RS1: variants seen among roughly 807,000 people sequenced by gnomAD.
The protein encoded by RS1 is retinoschisin 1.
RS1 carries 2 observed loss-of-function variants against 20.8 expected under a neutral mutation model. The observed-to-expected ratio is 0.10, with a 90% CI of 0.04 to 0.30. The LOEUF is 0.30. RS1 is among the 10% of genes least tolerant of loss of function. The pLI is 1.00. For missense variants in RS1, 151 were observed against 189.8 expected (o/e 0.80, Z 1.20); for synonymous variants, 70 against 75.8 (o/e 0.92, Z 0.40).
intron 1 of RS1, among the ~76,000 whole-genome samples, chrX:18,671,542 G>A (rs528008646): frequency 2.7e-5 from 3 of 111,594 alleles, no homozygotes; most frequent in Middle Eastern, 4.7e-3. Flanking sequence ...GGTATGTTAC[G>A]TTAATCCATA....
At chrX:18,657,967 C>T (rs1208937449) in intron 1 of RS1, among the ~76,000 whole-genome samples, 4 of 111,044 alleles carry the variant, frequency 3.6e-5, no homozygotes, top group East Asian at 5.7e-4. Flanking sequence ...GCCAGGAGTT[C>T]GAGACCAGTC....
intron 1 of RS1, among the ~76,000 whole-genome samples, chrX:18,668,200 A>G (rs1437895039): frequency 8.9e-6 from 1 of 112,199 alleles, no homozygotes; most frequent in Non-Finnish European, 1.9e-5. Context: ...CACATGTTAC[A>G]TGAGACATCC....
At chrX:18,667,560 A>AG (rs1928425535) in intron 1 of RS1, among the ~76,000 whole-genome samples, 1 of 109,760 alleles carries the variant, frequency 9.1e-6, no homozygotes, top group East Asian at 2.9e-4. Context: ...AAAAAAAAAA[A>AG]AAACAGTGCC....
At chrX:18,650,362 C>A (rs999132676) in intron 3 of RS1, 18 of 1,157,867 alleles carry the variant, frequency 1.6e-5, no homozygotes, top group African/African-American at 1.8e-5. Context: ...CCGATGCCTG[C>A]CTCCCGGGCC....
At chrX:18,648,236 CCTT>C (rs1345236564) in intron 3 of RS1, among the ~76,000 whole-genome samples, 7 of 109,063 alleles carry the variant, frequency 6.4e-5, no homozygotes, top group Non-Finnish European at 1.1e-4. Flanking sequence ...TTCATTCTCC[CCTT>C]CTTCTCCTTT....
chrX:18,660,504 C>G (rs193107530), intron 1 of RS1, among the ~76,000 whole-genome samples: 2 of 111,474 alleles, frequency 1.8e-5, no homozygotes, highest in Non-Finnish European at 3.8e-5. Flanking sequence ...CCACCACACC[C>G]GGCCTTCCCA....
At chrX:18,665,637 A>G (rs1168520805) in intron 1 of RS1, among the ~76,000 whole-genome samples, 4 of 110,801 alleles carry the variant, frequency 3.6e-5, no homozygotes, top group Admixed American at 2.9e-4. Flanking sequence ...TGGGAGGCTG[A>G]GGTGGGAGGA....
Position 18,643,251 on chromosome X carries a change from T to C in RS1, c.523-1095A>G, listed in dbSNP as rs190674385. On this transcript the variant is annotated intron_variant, in intron 5 of 5. Transcript: ENST00000379984. ...CTCTGCCTGATGCCACTAGGACATT[T>C]CATCTCCTTCTGGGATTATCTCCTG... Among the ~76,000 whole-genome samples the C allele has an allele frequency of 2.0e-4, 22 of 112,098 alleles. No individual in the cohort carries two copies. In the East Asian group the frequency reaches 5.9e-3, roughly 30 times the overall value.
intron 4 of RS1, among the ~76,000 whole-genome samples, chrX:18,645,070 C>T (rs964050699): frequency 2.7e-5 from 3 of 112,402 alleles, no homozygotes; most frequent in Non-Finnish European, 3.8e-5. Context: ...ATTCCTGCCT[C>T]GTGCAGAGCA....
At chrX:18,648,097 G>T (rs1004795603) in intron 3 of RS1, among the ~76,000 whole-genome samples, 7 of 111,285 alleles carry the variant, frequency 6.3e-5, no homozygotes, top group Non-Finnish European at 9.4e-5. Flanking sequence ...AGCTACTCGG[G>T]AGGCTGAGGC....
chrX:18,653,372 T>A (rs1268209714), intron 3 of RS1: 2 of 1,192,233 alleles, frequency 1.7e-6, no homozygotes, highest in East Asian at 6.1e-5. Flanking sequence ...TTAGCCAGAG[T>A]GCACCTGCTA....
At chrX:18,653,907 G>C (rs1018970668) in intron 3 of RS1, among the ~76,000 whole-genome samples, 3 of 109,753 alleles carry the variant, frequency 2.7e-5, no homozygotes, top group African/African-American at 1.0e-4. Flanking sequence ...GGTGGGGGTT[G>C]CAGTGAGCCG....
At chrX:18,644,378 G>T in intron 5 of RS1, 52 bp downstream of exon 5, 1 of 1,114,775 alleles carries the variant, frequency 9.0e-7, no homozygotes, top group South Asian at 1.8e-5. Context: ...GGACAGGAGG[G>T]GAAGTCCCAG....
intron 3 of RS1, among the ~76,000 whole-genome samples, chrX:18,651,262 T>TGAGAGA (rs1338222386): frequency 1.5e-4 from 12 of 77,738 alleles, no homozygotes; most frequent in African/African-American, 5.4e-4. Context: ...TGTGTGTGTG[T>TGAGAGA]GTGAGAGAGA....
At chrX:18,663,031 A>ATT (rs1928341355) in intron 1 of RS1, among the ~76,000 whole-genome samples, 1 of 71,856 alleles carries the variant, frequency 1.4e-5, no homozygotes, top group African/African-American at 6.1e-5. Flanking sequence ...AAGAACAATG[A>ATT]CTTTTTTTTT....
At chrX:18,646,236 C>T in intron 4 of RS1, 1 of 927,957 alleles carries the variant, frequency 1.1e-6, no homozygotes, top group Non-Finnish European at 1.5e-6. Flanking sequence ...TCACTGCAAC[C>T]TCCGCCTCCC....
intron 3 of RS1, 66 bp downstream of exon 3, chrX:18,656,587 G>A: frequency 5.7e-6 from 5 of 873,715 alleles, no homozygotes; most frequent in Non-Finnish European, 8.5e-6. Flanking sequence ...TCAGCTGAGT[G>A]GGAAAAAGGA....
At chrX:18,652,076 A>G in intron 3 of RS1, among the ~76,000 whole-genome samples, 1 of 109,610 alleles carries the variant, frequency 9.1e-6, no homozygotes, top group Non-Finnish European at 1.9e-5. Context: ...GGCATACTTC[A>G]CTGCCATCTC....
chrX:18,661,501 G>A (rs1928307986), intron 1 of RS1, among the ~76,000 whole-genome samples: 1 of 112,004 alleles, frequency 8.9e-6, no homozygotes, highest in East Asian at 2.8e-4. Flanking sequence ...TCGTCTCCCT[G>A]CCTTCTCACA....
Sources: allele counts gnomAD v4.1 joint callset (sites outside exome capture counted in the v4.1 genomes callset), GRCh38; gene constraint gnomAD v4.1.1; transcripts MANE v1.5; gene names NCBI Gene and HGNC (gene_info 2026-07-23, HGNC 2026-07-21).